The following AAK1 variants were observed in gnomAD, a reference collection of about 807,000 sequenced individuals.
The protein encoded by AAK1 is AP2 associated kinase 1.
AAK1 carries 37 observed loss-of-function variants against 116.0 expected under a neutral mutation model. The ratio of observed to expected loss-of-function variants is 0.32; its 90% CI spans 0.25 to 0.42. The LOEUF (loss-of-function observed/expected upper bound fraction) is 0.42, where lower values mean the gene tolerates loss of function less well. Ranked by LOEUF, AAK1 falls within the 10% of genes least tolerant of loss-of-function variation. AAK1 has a pLI of 1.00. For synonymous variants in AAK1, 458 were observed against 439.9 expected, an observed-to-expected ratio of 1.04 and a Z score of -0.51; for missense variants, 919 against 1,170.6, an observed-to-expected ratio of 0.79 and a Z score of 3.14.
chr2:69,546,410 C>T (rs1670927742), intron 3 of AAK1, among the ~76,000 whole-genome samples: 1 of 152,126 alleles, frequency 6.6e-6, no homozygotes. Context: ...CTCTGCTTTC[C>T]CATCTCATCA....
chr2:69,490,923 C>CACACACACACACACA (rs1675495565), intron 17 of AAK1, among the ~76,000 whole-genome samples: 2 of 147,626 alleles, frequency 1.4e-5, no homozygotes, highest in African/African-American at 5.0e-5. Flanking sequence ...GTGTGTGTAC[C>CACACACACACACACA]CACACACACA....
intron 2 of AAK1, among the ~76,000 whole-genome samples, chr2:69,640,049 ACACACTCTCTCTCT>A (rs1222565127): frequency 8.7e-6 from 1 of 115,020 alleles, no homozygotes; most frequent in African/African-American, 3.9e-5. Flanking sequence ...ACACACACAC[ACACACTCTCTCTCT>A]CTCTCTCTCT....
At chr2:69,577,602 G>A (rs1387160411) in intron 2 of AAK1, among the ~76,000 whole-genome samples, 13 of 152,198 alleles carry the variant, frequency 8.5e-5, no homozygotes, top group Admixed American at 5.2e-4. Context: ...TCCCAGACCA[G>A]GCTGTGGTAG....
intron 17 of AAK1, among the ~76,000 whole-genome samples, chr2:69,494,309 G>A (rs1675654636): frequency 6.6e-6 from 1 of 152,176 alleles, no homozygotes; most frequent in African/African-American, 2.4e-5. Context: ...AGCTGGCTCT[G>A]GTGGCCCCAG....
chr2:69,622,051 C>G (rs1317790320), intron 2 of AAK1, among the ~76,000 whole-genome samples: 2 of 152,252 alleles, frequency 1.3e-5, no homozygotes, highest in African/African-American at 4.8e-5. Flanking sequence ...AAGGCCAGAG[C>G]TGGCTCCCTC....
At chr2:69,617,849 AAG>A (rs1240507800) in intron 2 of AAK1, among the ~76,000 whole-genome samples, 1 of 152,228 alleles carries the variant, frequency 6.6e-6, no homozygotes, top group Non-Finnish European at 1.5e-5. Context: ...AACACCTAGA[AAG>A]AATATACAAG....
chr2:69,537,110 T>C (rs1438417843), intron 5 of AAK1, among the ~76,000 whole-genome samples: 1 of 152,234 alleles, frequency 6.6e-6, no homozygotes, highest in Non-Finnish European at 1.5e-5. Flanking sequence ...ACAGCCTTTC[T>C]GTGCGGAGGT....
rs911987316 is a variant in AAK1 at position 69,468,543 on chromosome 2, G to A, written c.*7326C>T. The A allele has an allele frequency of 1.0e-6, 1 of 984,918 alleles. No homozygotes were observed. Among genetic ancestry groups the A allele is most frequent in the African/African-American group, 1.8e-5 (1 of 57,064 alleles). The allele number at this position is 984,918 out of a possible 1,614,324, so 61.0% of individuals were successfully genotyped here. On this transcript the variant is annotated 3_prime_UTR_variant, in exon 22 of 22. Transcript: ENST00000409085. ...CTGCAGGAGAGCAAAATATCTCTTA[G>A]GGAAAAAAAATGGAAAACTTAGTCA... is the stretch of plus-strand genomic sequence containing the variant.
At chr2:69,579,925 C>T (rs1295422279) in intron 2 of AAK1, among the ~76,000 whole-genome samples, 1 of 152,080 alleles carries the variant, frequency 6.6e-6, no homozygotes, top group African/African-American at 2.4e-5. Flanking sequence ...TCACAGGCAC[C>T]CCAAACTCAA....
intron 5 of AAK1, among the ~76,000 whole-genome samples, chr2:69,542,104 G>A (rs899338879): frequency 6.6e-6 from 1 of 152,100 alleles, no homozygotes; most frequent in Non-Finnish European, 1.5e-5. Context: ...ACTACAATAT[G>A]AAAGGCACAG....
At position 69,519,023 on chromosome 2, in the gene AAK1, T is replaced by TTGC; in HGVS notation, c.1425_1427dup (p.Gln477dup). The TTGC allele has an allele frequency of 6.5e-7, 1 of 1,550,220 alleles. No homozygotes were observed. The highest frequency in any genetic ancestry group is 1.2e-5 in the South Asian group (1 of 84,002). Reference sequence around the variant, plus strand: ...GCTGCTGCTGTGCTGGCGGTGGCTGTTGCTGCTGCTGTTGCTGCTTGAGGA... The same window carrying TTGC: ...GCTGCTGCTGTGCTGGCGGTGGCTGTTGCTGCTGCTGCTGTTGCTGCTTGAGGA... On this transcript the variant is annotated inframe_insertion, in exon 12 of 22. Coordinates refer to ENST00000409085, the MANE Select transcript of AAK1 (RefSeq NM_014911.5).
At chr2:69,516,451 C>T (rs546897234) in intron 12 of AAK1, among the ~76,000 whole-genome samples, 2 of 152,234 alleles carry the variant, frequency 1.3e-5, no homozygotes, top group Non-Finnish European at 2.9e-5. Context: ...TAATTGTCCA[C>T]TGAGAAGGCC....
At chr2:69,530,882 T>C (rs190941059) in intron 6 of AAK1, among the ~76,000 whole-genome samples, 176 bp from the exon 7 acceptor site, 4 of 152,326 alleles carry the variant, frequency 2.6e-5, no homozygotes, top group Admixed American at 2.6e-4. Flanking sequence ...TACAATCATA[T>C]CATCACACCA....
At chr2:69,545,578 C>T (rs1184405193) in intron 3 of AAK1, among the ~76,000 whole-genome samples, 2 of 152,158 alleles carry the variant, frequency 1.3e-5, no homozygotes, top group Admixed American at 6.5e-5. Context: ...CAGCTGTTTA[C>T]AGTGAAAAAC....
intron 2 of AAK1, among the ~76,000 whole-genome samples, chr2:69,568,303 C>T (rs1671958625): frequency 6.6e-6 from 1 of 152,020 alleles, no homozygotes; most frequent in Admixed American, 6.6e-5. Flanking sequence ...ACACTTACTG[C>T]TTTTGTAGAA....
chr2:69,598,955 C>G (rs1341962712), intron 2 of AAK1: 2 of 426,630 alleles, frequency 4.7e-6, no homozygotes, highest in Non-Finnish European at 9.4e-6. Flanking sequence ...CCATTATTAA[C>G]TTCACATTCT....
Position 69,498,872 on chromosome 2 carries a change from G to C in AAK1, c.2270-2792C>G, listed in dbSNP as rs577388275. ...CATGTGTGATGCTTACCATTCCTCA[G>C]GTGTGCAGGAACTTCCCAGCCCCAG... is the stretch of plus-strand genomic sequence containing the variant. On this transcript the variant is annotated intron_variant, in intron 16 of 21. Coordinates refer to ENST00000409085, the MANE Select transcript of AAK1 (RefSeq NM_014911.5). Among the ~76,000 whole-genome samples, 6 of 152,340 alleles carry C rather than the reference G, an allele frequency of 3.9e-5. No individual in the cohort carries two copies. The East Asian group carries it at 1.2e-3, about 29-fold the overall frequency.
At chr2:69,484,945 A>G (rs1415479149) in intron 17 of AAK1, among the ~76,000 whole-genome samples, 1 of 152,040 alleles carries the variant, frequency 6.6e-6, no homozygotes, top group Non-Finnish European at 1.5e-5. Context: ...AGTTGCAGGA[A>G]AAAAACCCTC....
rs892353416 is a variant in AAK1 at position 69,467,439 on chromosome 2, A to G, written c.*8430T>C. ...ACCTTCCAAGAAATATTAGCAGGTT[A>G]GAAGTATGTCATTGGGCACATGTTA... On this transcript the variant is annotated 3_prime_UTR_variant, in exon 22 of 22. Transcript: ENST00000409085. 6 of 985,374 alleles carry G rather than the reference A, an allele frequency of 6.1e-6. No individual in the cohort carries two copies. Among genetic ancestry groups the G allele is most frequent in the Non-Finnish European group, 7.2e-6 (6 of 829,952 alleles). 61.0% of individuals were successfully genotyped at this position (985,374 alleles called of 1,614,324 possible).
Sources: allele counts gnomAD v4.1 joint callset (sites outside exome capture counted in the v4.1 genomes callset), GRCh38; gene constraint gnomAD v4.1.1; transcripts MANE v1.5; gene names NCBI Gene and HGNC (gene_info 2026-07-23, HGNC 2026-07-21).